Variants in TJP1 observed in about 807,000 individuals in gnomAD.
TJP1 encodes the protein tight junction protein ZO-1.
A neutral mutation model predicts 194.2 loss-of-function variants in TJP1; 43 were observed. That is an observed-to-expected ratio of 0.22 (90% CI 0.17 to 0.29). The LOEUF is 0.29. Among genes scored for constraint, TJP1 ranks in the 10% least tolerant of loss-of-function variants. The pLI is 1.00. For missense variants in TJP1, 1,971 were observed against 2,185.7 expected (o/e 0.90, Z 1.96); for synonymous variants, 801 against 779.0 (o/e 1.03, Z -0.47).
At chr15:29,801,202 C>T (rs549038421) in intron 1 of TJP1, among the ~76,000 whole-genome samples, 1 of 152,292 alleles carries the variant, frequency 6.6e-6, no homozygotes, top group South Asian at 2.1e-4. Flanking sequence ...ACTACTCTAC[C>T]TAGTTTCAGT....
intron 1 of TJP1, among the ~76,000 whole-genome samples, chr15:29,966,996 G>A (rs2152328301): frequency 6.6e-6 from 1 of 151,408 alleles, no homozygotes; most frequent in East Asian, 1.9e-4. Context: ...GTTGTCACTT[G>A]CTGTTCATCA....
chr15:29,790,369 T>A (rs1223494345), intron 2 of TJP1, among the ~76,000 whole-genome samples: 1 of 152,216 alleles, frequency 6.6e-6, no homozygotes, highest in African/African-American at 2.4e-5. Flanking sequence ...CAAGACTTTT[T>A]CATTGTCCAA....
intron 24 of TJP1, among the ~76,000 whole-genome samples, chr15:29,710,071 G>A (rs540937295): frequency 1.3e-5 from 2 of 152,032 alleles, no homozygotes; most frequent in African/African-American, 4.8e-5. Context: ...ACCTGAACCC[G>A]AGAGGCAGAG....
At chr15:29,824,242 G>A (rs1221243714), upstream of TJP1, among the ~76,000 whole-genome samples, 2 of 151,564 alleles carry the variant, frequency 1.3e-5, no homozygotes, top group South Asian at 2.1e-4. Flanking sequence ...TCAGGAGTTC[G>A]AAACCAGCCT....
At chr15:29,953,005 C>T (rs1482482789) in intron 2 of TJP1, among the ~76,000 whole-genome samples, 5 of 152,136 alleles carry the variant, frequency 3.3e-5, no homozygotes, top group African/African-American at 1.2e-4. Flanking sequence ...ATTGGTTCTA[C>T]ATGATTATAT....
intron 1 of TJP1, among the ~76,000 whole-genome samples, chr15:29,808,952 C>T (rs2049301051): frequency 6.6e-6 from 1 of 152,138 alleles, no homozygotes; most frequent in Non-Finnish European, 1.5e-5. Context: ...CTGATCAAGG[C>T]TCTAGATCTG....
At chr15:29,869,960 C>T (rs2052451660) in intron 2 of TJP1, among the ~76,000 whole-genome samples, 1 of 151,818 alleles carries the variant, frequency 6.6e-6, no homozygotes, top group Admixed American at 6.6e-5. Context: ...GTGCCCACCA[C>T]CACGTCTGGC....
At chr15:29,762,312 A>G (rs1595798848) in intron 6 of TJP1, 23 bp downstream of exon 6, 1 of 1,578,374 alleles carries the variant, frequency 6.3e-7, no homozygotes, top group East Asian at 2.2e-5. Flanking sequence ...TCAGTTCATT[A>G]AAAAGTAAGA....
At chr15:29,728,165 G>T in intron 15 of TJP1, 146 bp from the exon 16 acceptor site, 14 of 465,516 alleles carry the variant, frequency 3.0e-5, no homozygotes, top group South Asian at 8.9e-5. Context: ...CTTAAAGTGA[G>T]TTTTAATATG....
At chr15:29,703,780 T>A (rs1390742110) in intron 27 of TJP1, among the ~76,000 whole-genome samples, 1 of 151,894 alleles carries the variant, frequency 6.6e-6, no homozygotes, top group Non-Finnish European at 1.5e-5. Flanking sequence ...GTAGCTGGGA[T>A]TACAGGTGTG....
At position 29,708,747 on chromosome 15, in the gene TJP1, T is replaced by G; in HGVS notation, c.4662A>C (p.Pro1554=). 6.2e-7 allele frequency: 1 copy of G among 1,614,248 alleles called. No individual in the cohort carries two copies. The highest frequency in any genetic ancestry group is 1.7e-5 in the Admixed American group (1 of 60,032). ...AGTCAGGTTTATGTGCAGTTTCACT[T>G]GGCAGAAGATTGTGATTGAATTTAG... ...ESPKFNHNLL[P]SETAHKPDLS... Residue 1554 remains proline (P), a synonymous_variant, in exon 25 of 28, where the codon CCA becomes CCC. Coordinates refer to ENST00000614355, the MANE Select transcript of TJP1 (RefSeq NM_001330239.4).
At chr15:29,714,926 T>C (rs185181228) in intron 23 of TJP1, among the ~76,000 whole-genome samples, 11 of 152,304 alleles carry the variant, frequency 7.2e-5, no homozygotes, top group African/African-American at 2.4e-4. Flanking sequence ...ACCTGAGCCT[T>C]CTTCTGACAG....
Position 29,727,940 on chromosome 15 carries a change from A to G in TJP1, c.2097T>C (p.Asp699=). 1 of 1,613,618 alleles carries G rather than the reference A, an allele frequency of 6.2e-7. No individual in the cohort carries two copies. Among genetic ancestry groups the G allele is most frequent in the Non-Finnish European group, 8.5e-7 (1 of 1,179,594 alleles). The change falls in exon 16 of 28, where the codon GAT becomes GAC. Residue 699 remains aspartate, a synonymous_variant. Coordinates refer to ENST00000614355, the MANE Select transcript of TJP1 (RefSeq NM_001330239.4). The part of the protein sequence containing the change: ...IRLHTIKQII[D]QDKHALLDVT... Reference sequence around the variant, plus strand: ...GGGTCAAGTTTTAATAACTTACTTGATCTATGATTTGCTTTATTGTATGCA... The same window carrying G: ...GGGTCAAGTTTTAATAACTTACTTGGTCTATGATTTGCTTTATTGTATGCA...
intron 1 of TJP1, among the ~76,000 whole-genome samples, chr15:29,818,793 C>G (rs567049669): frequency 2.0e-5 from 3 of 150,562 alleles, no homozygotes; most frequent in Admixed American, 6.6e-5. Flanking sequence ...TGGGATTACA[C>G]CGCGCCCGGC....
At chr15:29,784,330 G>C (rs188876898) in intron 2 of TJP1, among the ~76,000 whole-genome samples, 1 of 151,756 alleles carries the variant, frequency 6.6e-6, no homozygotes, top group African/African-American at 2.4e-5. Flanking sequence ...ACAGAGTTTC[G>C]CTCTTCTCCT....
At chr15:29,966,834 AT>A (rs2152328072) in intron 1 of TJP1, among the ~76,000 whole-genome samples, 1 of 152,228 alleles carries the variant, frequency 6.6e-6, no homozygotes, top group African/African-American at 2.4e-5. Context: ...GCTGGTGCTG[AT>A]ATTTCCCATA....
chr15:29,838,466 G>T (rs2051109982), intron 2 of TJP1, among the ~76,000 whole-genome samples: 1 of 152,016 alleles, frequency 6.6e-6, no homozygotes, highest in African/African-American at 2.4e-5. Flanking sequence ...AAATGTACAG[G>T]GTAGTACAAG....
intron 2 of TJP1, among the ~76,000 whole-genome samples, chr15:29,849,856 C>T (rs190599348): frequency 7.9e-5 from 12 of 152,066 alleles, no homozygotes; most frequent in South Asian, 2.1e-4. Flanking sequence ...ATTGTAGACG[C>T]GAACCACCAC....
intron 23 of TJP1, among the ~76,000 whole-genome samples, chr15:29,712,925 T>G (rs564851846): frequency 1.1e-4 from 16 of 152,000 alleles, no homozygotes; most frequent in South Asian, 2.1e-4. Flanking sequence ...AATGGAGAGA[T>G]AGAAATATGC....
Sources: allele counts gnomAD v4.1 joint callset (sites outside exome capture counted in the v4.1 genomes callset), GRCh38; gene constraint gnomAD v4.1.1; transcripts MANE v1.5; gene names NCBI Gene and HGNC (gene_info 2026-07-23, HGNC 2026-07-21).